MACROD2: variants seen among roughly 807,000 people sequenced by gnomAD.
The protein encoded by MACROD2 is mono-ADP ribosylhydrolase 2, also known as ADP-ribose glycohydrolase MACROD2.
Under a neutral mutation model 70.4 loss-of-function variants are expected in MACROD2, and 36 were observed. That is an observed-to-expected ratio of 0.51 (90% CI 0.39 to 0.68). The LOEUF (loss-of-function observed/expected upper bound fraction) is 0.68, where lower values mean the gene tolerates loss of function less well. MACROD2 is among the 30% of genes least tolerant of loss of function. The probability of loss-of-function intolerance (pLI) is 0.00; values close to 1 mark genes in which losing one functional copy is unlikely to be tolerated. For synonymous variants in MACROD2, 172 were observed against 178.8 expected (o/e 0.96, Z 0.30); for missense variants, 496 against 538.4 (o/e 0.92, Z 0.78).
chr20:15,574,703 C>T lies in MACROD2; in HGVS notation c.645+74856C>T, dbSNP rs6135444. Among the ~76,000 whole-genome samples, 25 of 152,248 alleles carry T rather than the reference C, an allele frequency of 1.6e-4. No individual in the cohort carries two copies. In the East Asian group the frequency reaches 4.6e-3, roughly 28 times the overall value. ...TGCTTTTCTTCCCCATGAAAACCCC[C>T]GTACTTTCCTTGTATTGAGGTGTGG... On this transcript the variant is annotated intron_variant, in intron 8 of 17. Transcript: ENST00000684519.
intron 13 of MACROD2, among the ~76,000 whole-genome samples, chr20:15,981,257 G>A (rs113776123): frequency 2.0e-5 from 3 of 152,250 alleles, no homozygotes; most frequent in African/African-American, 7.2e-5. Flanking sequence ...TGCAACCTTG[G>A]AAATTTACTG....
At chr20:15,948,849 T>A (rs2065866099) in intron 12 of MACROD2, among the ~76,000 whole-genome samples, 1 of 152,214 alleles carries the variant, frequency 6.6e-6, no homozygotes, top group Admixed American at 6.5e-5. Flanking sequence ...ACATGCTCTC[T>A]TGGGACATAT....
At chr20:16,039,021 T>G (rs906363464) in intron 15 of MACROD2, among the ~76,000 whole-genome samples, 1 of 151,892 alleles carries the variant, frequency 6.6e-6, no homozygotes, top group Admixed American at 6.6e-5. Context: ...TACCTCTCCT[T>G]GGTAGAACCC....
At chr20:14,007,106 C>T (rs978424164) in intron 2 of MACROD2, among the ~76,000 whole-genome samples, 1 of 152,042 alleles carries the variant, frequency 6.6e-6, no homozygotes, top group African/African-American at 2.4e-5. Flanking sequence ...GTGATTATTG[C>T]TTAGATCCAT....
chr20:15,985,146 C>G (rs1374209162), intron 13 of MACROD2, among the ~76,000 whole-genome samples: 1 of 152,136 alleles, frequency 6.6e-6, no homozygotes, highest in Non-Finnish European at 1.5e-5. Context: ...TAAATTCTTT[C>G]TTGAAATTTT....
intron 8 of MACROD2, among the ~76,000 whole-genome samples, chr20:15,513,149 C>T (rs1196550464): frequency 1.3e-5 from 2 of 152,200 alleles, no homozygotes; most frequent in Admixed American, 6.5e-5. Context: ...TATTAGATGT[C>T]TACAGAGGAT....
chr20:14,371,863 C>CT (rs1431140074), intron 3 of MACROD2, among the ~76,000 whole-genome samples: 1 of 151,506 alleles, frequency 6.6e-6, no homozygotes, highest in Non-Finnish European at 1.5e-5. Flanking sequence ...GATTCCCATT[C>CT]TTCAGATTTT....
intron 7 of MACROD2, among the ~76,000 whole-genome samples, chr20:15,489,166 T>A (rs1040888041): frequency 6.6e-6 from 1 of 152,196 alleles, no homozygotes; most frequent in South Asian, 2.1e-4. Context: ...AGACCAAAGC[T>A]GAATATAGTA....
intron 8 of MACROD2, among the ~76,000 whole-genome samples, chr20:15,668,622 C>T (rs2049934904): frequency 6.6e-6 from 1 of 152,164 alleles, no homozygotes; most frequent in Non-Finnish European, 1.5e-5. Flanking sequence ...TCATTCACAT[C>T]AAGAGGTTCC....
At chr20:15,548,276 AG>A (rs2048050954) in intron 8 of MACROD2, among the ~76,000 whole-genome samples, 1 of 152,228 alleles carries the variant, frequency 6.6e-6, no homozygotes, top group African/African-American at 2.4e-5. Context: ...GAAATGCCAC[AG>A]TTAAAACATA....
chr20:14,988,912 A>T (rs1191917549), intron 5 of MACROD2, among the ~76,000 whole-genome samples: 1 of 152,154 alleles, frequency 6.6e-6, no homozygotes, highest in Non-Finnish European at 1.5e-5. Context: ...TATTTAAATT[A>T]TTTATTCTAA....
chr20:14,827,728 T>C (rs982425483), intron 5 of MACROD2, among the ~76,000 whole-genome samples: 2 of 152,158 alleles, frequency 1.3e-5, no homozygotes, highest in East Asian at 3.8e-4. Flanking sequence ...TACTCTTTGC[T>C]GTGTTTCCTC....
At chr20:16,044,940 C>T (rs1216736806) in intron 17 of MACROD2, among the ~76,000 whole-genome samples, 3 of 152,128 alleles carry the variant, frequency 2.0e-5, no homozygotes, top group Non-Finnish European at 4.4e-5. Flanking sequence ...CTGGAGTGGT[C>T]AAATTATTTC....
intron 3 of MACROD2, among the ~76,000 whole-genome samples, chr20:14,186,737 CA>C (rs2081347849): frequency 6.6e-6 from 1 of 152,166 alleles, no homozygotes; most frequent in Non-Finnish European, 1.5e-5. Context: ...AAATATGTTA[CA>C]TATACACCTT....
intron 4 of MACROD2, among the ~76,000 whole-genome samples, chr20:14,518,059 CGTT>C (rs746092693): frequency 7.2e-5 from 11 of 151,770 alleles, no homozygotes; most frequent in African/African-American, 2.2e-4. Context: ...AAAACATTGA[CGTT>C]GTAATTCTAT....
At chr20:14,937,489 A>G (rs2074350697) in intron 5 of MACROD2, among the ~76,000 whole-genome samples, 1 of 152,168 alleles carries the variant, frequency 6.6e-6, no homozygotes, top group Non-Finnish European at 1.5e-5. Context: ...TCTTATCACA[A>G]AATGCTCAGA....
chr20:14,024,257 G>A (rs996236011), intron 2 of MACROD2, among the ~76,000 whole-genome samples: 87 of 152,210 alleles, frequency 5.7e-4, no homozygotes, highest in Admixed American at 5.9e-4. Context: ...AGACTTTGCT[G>A]AAGTTGCTTA....
chr20:14,852,488 G>A (rs1239255432), intron 5 of MACROD2, among the ~76,000 whole-genome samples: 1 of 152,122 alleles, frequency 6.6e-6, no homozygotes, highest in African/African-American at 2.4e-5. Context: ...AGTAGTGGAG[G>A]AAAGAGGGAA....
chr20:14,073,794 T>A (rs2053881779), intron 2 of MACROD2, among the ~76,000 whole-genome samples: 1 of 152,198 alleles, frequency 6.6e-6, no homozygotes, highest in Non-Finnish European at 1.5e-5. Context: ...ATAATAAATA[T>A]TACCCTCAGA....
Sources: gnomAD v4.1 joint callset for allele counts (sites outside exome capture counted in the v4.1 genomes callset) on GRCh38, gnomAD v4.1.1 for gene constraint, MANE v1.5 for transcripts, NCBI Gene and HGNC (gene_info 2026-07-23, HGNC 2026-07-21) for gene names.